The following DMRT1 variants were observed in gnomAD, a reference collection of about 807,000 sequenced individuals.
DMRT1 encodes doublesex and mab-3 related transcription factor 1.
A neutral mutation model predicts 32.3 loss-of-function variants in DMRT1; 7 were observed. That is an observed-to-expected ratio of 0.22 (90% CI 0.12 to 0.41). DMRT1 has a LOEUF of 0.41. Ranked by LOEUF, DMRT1 falls within the 10% of genes least tolerant of loss-of-function variation. The pLI, the probability that DMRT1 is intolerant of heterozygous loss-of-function variation, is 1.00. For missense variants in DMRT1, 625 were observed against 500.5 expected, an observed-to-expected ratio of 1.25 and a Z score of -2.37; for synonymous variants, 278 against 206.1, an observed-to-expected ratio of 1.35 and a Z score of -2.99.
chr9:894,311 A>G (rs1817269085), intron 3 of DMRT1, 116 bp downstream of exon 3: 5 of 1,099,966 alleles, frequency 4.5e-6, no homozygotes, highest in Non-Finnish European at 4.1e-6. Flanking sequence ...AGGCACACAC[A>G]GGTGACACAC....
At chr9:917,995 T>G (rs1186372983) in intron 4 of DMRT1, among the ~76,000 whole-genome samples, 2 of 152,262 alleles carry the variant, frequency 1.3e-5, no homozygotes, top group Non-Finnish European at 2.9e-5. Context: ...GTATTCATAC[T>G]ATATAATGTG....
chr9:889,974 T>G (rs1817075543), intron 2 of DMRT1, among the ~76,000 whole-genome samples: 1 of 152,140 alleles, frequency 6.6e-6, no homozygotes, highest in African/African-American at 2.4e-5. Context: ...CTCATATAAT[T>G]TATTAAATTT....
chr9:895,832 G>T (rs1336232346), intron 3 of DMRT1, among the ~76,000 whole-genome samples: 1 of 141,160 alleles, frequency 7.1e-6, no homozygotes, highest in African/African-American at 2.7e-5. Context: ...TTGAGAGGGA[G>T]TCTTGCTCTG....
intron 4 of DMRT1, among the ~76,000 whole-genome samples, chr9:953,618 C>G (rs575636788): frequency 6.6e-6 from 1 of 152,196 alleles, no homozygotes; most frequent in Non-Finnish European, 1.5e-5. Context: ...TGTACTCCCT[C>G]TCCACTGCTG....
At chr9:935,327 A>G (rs1818850792) in intron 4 of DMRT1, among the ~76,000 whole-genome samples, 1 of 152,218 alleles carries the variant, frequency 6.6e-6, no homozygotes, top group African/African-American at 2.4e-5. Context: ...GGGCAGATGG[A>G]TAATGCCTGG....
At chr9:860,226 G>A (rs1815595534) in intron 2 of DMRT1, among the ~76,000 whole-genome samples, 1 of 152,196 alleles carries the variant, frequency 6.6e-6, no homozygotes. Context: ...GAACCCTGGA[G>A]GCGGAGGTTG....
intron 2 of DMRT1, among the ~76,000 whole-genome samples, chr9:876,409 G>A (rs943656115): frequency 2.0e-5 from 3 of 152,100 alleles, no homozygotes; most frequent in African/African-American, 7.2e-5. Context: ...ATCACAGTCT[G>A]TCTTTGGAGC....
At chr9:882,343 G>C (rs73372801) in intron 2 of DMRT1, among the ~76,000 whole-genome samples, 3,932 of 152,256 alleles carry the variant, frequency 0.026, 68 homozygotes, top group African/African-American at 0.033. Context: ...TGCTCTGCAG[G>C]CTCTTCTCTT....
At chr9:860,650 T>A (rs575628292) in intron 2 of DMRT1, among the ~76,000 whole-genome samples, 1 of 152,314 alleles carries the variant, frequency 6.6e-6, no homozygotes, top group East Asian at 1.9e-4. Flanking sequence ...AATAAGATAT[T>A]TGCAGTAAGT....
intron 2 of DMRT1, among the ~76,000 whole-genome samples, chr9:875,738 G>A (rs1349454831): frequency 6.6e-6 from 1 of 152,094 alleles, no homozygotes; most frequent in Non-Finnish European, 1.5e-5. Context: ...TTTCTTTTCA[G>A]GTAAGATTTT....
rs1491227995 is a variant in DMRT1, at chr9:864,734, TTG to T, written c.538+17592_538+17593del. The stretch of plus-strand genomic sequence containing the variant: ...CCAGGATGGTCTCCATCTCCTAACC[TTG>T]CGATCCGCCCACCTCGGCCTCCCAA... On this transcript the variant is annotated intron_variant, in intron 2 of 4. Coordinates refer to ENST00000382276, the MANE Select transcript of DMRT1 (RefSeq NM_021951.3). Among the ~76,000 whole-genome samples the T allele has an allele frequency of 3.9e-3, 568 of 147,392 alleles. 5 individuals are homozygous for T. Among genetic ancestry groups the T allele is most frequent in the African/African-American group, 0.012 (495 of 39,652 alleles).
intron 3 of DMRT1, chr9:894,468 C>A: frequency 1.9e-6 from 1 of 515,836 alleles, no homozygotes; most frequent in East Asian, 3.5e-5. Flanking sequence ...AATGTACAAA[C>A]TTGTTTTCTT....
intron 4 of DMRT1, among the ~76,000 whole-genome samples, chr9:951,456 A>C (rs1028126163): frequency 4.6e-5 from 7 of 152,232 alleles, no homozygotes; most frequent in African/African-American, 1.7e-4. Context: ...TGATTTATCC[A>C]CTTACCTAGC....
At chr9:961,785 T>A (rs779103922) in intron 4 of DMRT1, among the ~76,000 whole-genome samples, 18 of 152,336 alleles carry the variant, frequency 1.2e-4, no homozygotes, top group Non-Finnish European at 2.2e-4. Context: ...AGCAAGAATC[T>A]TCTCACATTA....
At position 884,803 on chromosome 9, in the gene DMRT1, C is replaced by G. The variant is rs577780692; in HGVS notation, c.539-9109C>G. ...TGGCCAACATGGTGAAACCCCGTCT[C>G]TACTAAAAATAGAAAAATTAGCCAG... On this transcript the variant is annotated intron_variant, in intron 2 of 4. Coordinates refer to ENST00000382276, the MANE Select transcript of DMRT1 (RefSeq NM_021951.3). Among the ~76,000 whole-genome samples the G allele has an allele frequency of 6.0e-4, 92 of 152,190 alleles. No homozygotes were observed. In the South Asian group the frequency reaches 0.017, roughly 29 times the overall value.
intron 2 of DMRT1, among the ~76,000 whole-genome samples, chr9:870,709 C>CTTTTTTTTTT (rs58893896): frequency 0.022 from 1,537 of 69,464 alleles, 250 homozygotes; most frequent in African/African-American, 0.049. Context: ...ATTTTCTTGA[C>CTTTTTTTTTT]TTTTTTTTTT....
Position 947,427 on chromosome 9 carries a change from G to C in DMRT1, c.968-20558G>C, listed in dbSNP as rs12343064. Among the ~76,000 whole-genome samples, 21 of 152,294 alleles carry C rather than the reference G, an allele frequency of 1.4e-4. No individual in the cohort carries two copies. The South Asian group carries it at 2.1e-3, about 15-fold the overall frequency. ...TTAATGTGTCTATTAAGGAAGGAAAGCTCGTAATTTCTTGCTTCAGAAGTA... is the reference window on the plus strand; with the variant it reads ...TTAATGTGTCTATTAAGGAAGGAAACCTCGTAATTTCTTGCTTCAGAAGTA... On this transcript the variant is annotated intron_variant, in intron 4 of 4. Transcript: ENST00000382276.
chr9:877,104 T>C (rs1816535926), intron 2 of DMRT1, among the ~76,000 whole-genome samples: 1 of 152,242 alleles, frequency 6.6e-6, no homozygotes, highest in Non-Finnish European at 1.5e-5. Context: ...TGTGGTCACA[T>C]TCTGTGAAAG....
chr9:851,474 A>T (rs1332238322), intron 2 of DMRT1, among the ~76,000 whole-genome samples: 1 of 152,070 alleles, frequency 6.6e-6, no homozygotes. Context: ...CCTGACCTCA[A>T]ATGATTGCCC....
Sources: allele counts gnomAD v4.1 joint callset (sites outside exome capture counted in the v4.1 genomes callset), GRCh38; gene constraint gnomAD v4.1.1; transcripts MANE v1.5; gene names NCBI Gene and HGNC (gene_info 2026-07-23, HGNC 2026-07-21).